PDE8B: variants seen among roughly 807,000 people sequenced by gnomAD.
PDE8B encodes high affinity cAMP-specific and IBMX-insensitive 3',5'-cyclic phosphodiesterase 8B.
Under a neutral mutation model 101.3 loss-of-function variants are expected in PDE8B, and 26 were observed. The ratio of observed to expected loss-of-function variants is 0.26; its 90% confidence interval spans 0.19 to 0.36. The LOEUF (loss-of-function observed/expected upper bound fraction) is 0.36, where lower values mean the gene tolerates loss of function less well. Ranked by LOEUF, PDE8B falls within the 10% of genes least tolerant of loss-of-function variation. The pLI is 1.00. For synonymous variants in PDE8B, 424 were observed against 429.3 expected (o/e 0.99, Z 0.15); for missense variants, 810 against 1,163.1 (o/e 0.70, Z 4.42).
At chr5:77,195,346 T>C in the PDE8B span, among the ~76,000 whole-genome samples, 1 of 152,242 alleles carries the variant, frequency 6.6e-6, no homozygotes, top group South Asian at 2.1e-4. Flanking sequence ...GCATCAATTT[T>C]CCAACACATG....
At chr5:77,246,112 G>T (rs1234115910) in intron 1 of PDE8B, among the ~76,000 whole-genome samples, 2 of 152,042 alleles carry the variant, frequency 1.3e-5, no homozygotes, top group Non-Finnish European at 2.9e-5. Context: ...TCAGCCTCCA[G>T]AAGTGCTGGG....
chr5:77,393,158 C>T (rs991215306), intron 10 of PDE8B, among the ~76,000 whole-genome samples: 8 of 152,148 alleles, frequency 5.3e-5, no homozygotes, highest in African/African-American at 1.9e-4. Flanking sequence ...CTTTGGGAGG[C>T]TGAAGAGGGC....
intron 1 of PDE8B, among the ~76,000 whole-genome samples, chr5:77,289,405 A>G (rs1766769980): frequency 1.3e-5 from 2 of 152,228 alleles, no homozygotes; most frequent in Admixed American, 6.5e-5. Flanking sequence ...TGAATTAGAT[A>G]CTGGGAATAA....
At chr5:77,377,519 T>C (rs1211647188) in intron 10 of PDE8B, among the ~76,000 whole-genome samples, 1 of 152,230 alleles carries the variant, frequency 6.6e-6, no homozygotes, top group Non-Finnish European at 1.5e-5. Flanking sequence ...TCTCATTTGA[T>C]CCTCTTAGAT....
intron 2 of PDE8B, among the ~76,000 whole-genome samples, chr5:77,323,374 A>G (rs975955019): frequency 1.3e-5 from 2 of 152,260 alleles, no homozygotes; most frequent in African/African-American, 4.8e-5. Flanking sequence ...AATGGCATAT[A>G]TAATATATCC....
chr5:77,404,886 C>G, intron 12 of PDE8B, 89 bp downstream of exon 12: 1 of 818,404 alleles, frequency 1.2e-6, no homozygotes, highest in Non-Finnish European at 2.1e-6. Flanking sequence ...GTATAAACTC[C>G]AAAGAGTAAG....
chr5:77,277,988 C>T (rs1764176919), intron 1 of PDE8B, among the ~76,000 whole-genome samples: 1 of 152,186 alleles, frequency 6.6e-6, no homozygotes, highest in African/African-American at 2.4e-5. Flanking sequence ...TCACTTTTGT[C>T]CATGGTTTGG....
At chr5:77,355,818 G>A (rs7719378) in intron 10 of PDE8B, among the ~76,000 whole-genome samples, 89,660 of 152,056 alleles carry the variant, frequency 0.59, 26,533 homozygotes, top group African/African-American at 0.63. Flanking sequence ...AGCACTGGAG[G>A]AGCTCAAAAC....
chr5:77,421,616 G>A (rs1046897601), intron 19 of PDE8B, among the ~76,000 whole-genome samples: 2 of 152,114 alleles, frequency 1.3e-5, no homozygotes, highest in Admixed American at 6.5e-5. Context: ...ATTGCTGAGT[G>A]TCTTTTAAGA....
At chr5:77,305,715 G>A (rs1478253226) in intron 1 of PDE8B, among the ~76,000 whole-genome samples, 1 of 152,166 alleles carries the variant, frequency 6.6e-6, no homozygotes, top group East Asian at 1.9e-4. Flanking sequence ...AACTAAGTTT[G>A]GCCTGAGAAT....
the PDE8B span, among the ~76,000 whole-genome samples, chr5:77,129,433 G>A: frequency 7.2e-5 from 11 of 152,098 alleles, no homozygotes; most frequent in Admixed American, 7.2e-4. Context: ...GATGGTCACT[G>A]TAAGAGAATG....
chr5:77,293,702 A>G (rs1767881992), intron 1 of PDE8B, among the ~76,000 whole-genome samples: 1 of 152,196 alleles, frequency 6.6e-6, no homozygotes, highest in South Asian at 2.1e-4. Flanking sequence ...ATTTATTCCT[A>G]AATTTTTTGT....
At chr5:77,356,211 C>G (rs535021386) in intron 10 of PDE8B, among the ~76,000 whole-genome samples, 1 of 152,276 alleles carries the variant, frequency 6.6e-6, no homozygotes, top group East Asian at 1.9e-4. Context: ...GCCTCTGCGT[C>G]CTGTCTCAAA....
upstream of PDE8B, among the ~76,000 whole-genome samples, chr5:77,210,244 G>A (rs1747948507): frequency 6.6e-6 from 1 of 152,080 alleles, no homozygotes; most frequent in South Asian, 2.1e-4. This position sits in a 1 kb window ranked among gnomAD's most constrained non-coding sequence, Gnocchi z 4.9. Context: ...AAGAGACGAG[G>A]CCTCTGGACA....
At position 77,214,749 on chromosome 5, in the gene PDE8B, G is replaced by T. The variant is rs143424084; in HGVS notation, c.339+3485G>T. On this transcript the variant is annotated intron_variant, in intron 1 of 21. Transcript: ENST00000264917. ...TCAGTGTTTTGGAGTCAAACTTTAC[G>T]CAAGAATCACCTAGAGAGCTTGTTA... is the stretch of plus-strand genomic sequence containing the variant. Among the ~76,000 whole-genome samples, 100 of 152,122 alleles carry T rather than the reference G, an allele frequency of 6.6e-4. 1 individual carries two copies. The East Asian group carries it at 0.017, about 25-fold the overall frequency.
At position 77,425,809 on chromosome 5, in the gene PDE8B, G is replaced by T; in HGVS notation, c.2461G>T (p.Val821Leu). ...KRQGLPVVMP[V>L]FDRNTCSIPK... The stretch of plus-strand genomic sequence containing the variant: ...ACAGGGACTACCTGTGGTGATGCCA[G>T]TGTTTGACCGGAATACCTGTAGCAT... The change falls in exon 21 of 22, where the codon GTG becomes TTG. Residue 821 changes from valine to leucine, a missense_variant. Val to Leu is a conservative substitution (Grantham distance 32). Coordinates refer to ENST00000264917, the MANE Select transcript of PDE8B (RefSeq NM_003719.5). The T allele has an allele frequency of 5.6e-6, 9 of 1,613,188 alleles. No homozygotes were observed. Among genetic ancestry groups the T allele is most frequent in the Non-Finnish European group, 7.6e-6 (9 of 1,179,114 alleles).
intron 10 of PDE8B, among the ~76,000 whole-genome samples, chr5:77,388,057 C>T (rs1324189499): frequency 1.3e-5 from 2 of 152,106 alleles, no homozygotes; most frequent in African/African-American, 4.8e-5. Flanking sequence ...TTATTACCCA[C>T]CTTCGGAAGC....
chr5:77,387,277 C>A (rs534184266), intron 10 of PDE8B, among the ~76,000 whole-genome samples: 1 of 152,098 alleles, frequency 6.6e-6, no homozygotes, highest in Non-Finnish European at 1.5e-5. Flanking sequence ...GAAAATCTCT[C>A]GGTATTTGCT....
chr5:77,154,248 T>C, the PDE8B span, among the ~76,000 whole-genome samples: 83 of 152,242 alleles, frequency 5.5e-4, no homozygotes, highest in African/African-American at 2.0e-3. Flanking sequence ...GATGGTTTCT[T>C]TATGGGATTA....
Sources: allele counts gnomAD v4.1 joint callset (sites outside exome capture counted in the v4.1 genomes callset), GRCh38; gene constraint gnomAD v4.1.1; non-coding constraint Gnocchi (gnomAD v3.1); transcripts MANE v1.5; gene names NCBI Gene and HGNC (gene_info 2026-07-23, HGNC 2026-07-21).